Variants in DLG2 observed in about 807,000 individuals in gnomAD.
DLG2 encodes discs large MAGUK scaffold protein 2.
DLG2 carries 45 observed loss-of-function variants against 132.5 expected under a neutral mutation model. The ratio of observed to expected loss-of-function variants is 0.34; its 90% CI spans 0.27 to 0.44. The LOEUF is 0.44. Among genes scored for constraint, DLG2 ranks in the 20% least tolerant of loss-of-function variants. DLG2 has a pLI of 1.00. For missense variants in DLG2, 1,045 were observed against 1,196.9 expected (o/e 0.87, Z 1.87); for synonymous variants, 424 against 419.6 (o/e 1.01, Z -0.13).
At chr11:84,448,206 T>C (rs1395239651) in intron 7 of DLG2, among the ~76,000 whole-genome samples, 2 of 152,080 alleles carry the variant, frequency 1.3e-5, no homozygotes, top group African/African-American at 4.8e-5. Context: ...GTTAGCCTGG[T>C]ATTCTAGCTA....
rs145656889 is a variant in DLG2 at position 83,805,261 on chromosome 11, T to G, written c.1723-18469A>C. 8.9e-3 allele frequency among the ~76,000 whole-genome samples: 1,357 copies of G among 152,208 alleles called. 18 individuals are homozygous for G. Among genetic ancestry groups the G allele is most frequent in the African/African-American group, 0.031 (1,269 of 41,550 alleles). The stretch of plus-strand genomic sequence containing the variant: ...TATGGATTATGCTTTCTTGAAATAG[T>G]TATTTTGTAGCGGGTTAAAAAATGG... On this transcript the variant is annotated intron_variant, in intron 17 of 27. Transcript: ENST00000376104.
intron 6 of DLG2, among the ~76,000 whole-genome samples, chr11:84,649,162 A>G (rs768103836): frequency 9.2e-5 from 14 of 152,060 alleles, no homozygotes; most frequent in Non-Finnish European, 1.8e-4. Flanking sequence ...TTCTTCCTGG[A>G]TCTTGAGTAC....
At chr11:84,064,284 C>T (rs116335356) in intron 10 of DLG2, among the ~76,000 whole-genome samples, 2,318 of 152,188 alleles carry the variant, frequency 0.015, 58 homozygotes, top group African/African-American at 0.053. Flanking sequence ...AGAAAGATAG[C>T]GAAGTTTTAA....
At chr11:84,773,962 A>G (rs2069899707) in intron 6 of DLG2, among the ~76,000 whole-genome samples, 1 of 152,170 alleles carries the variant, frequency 6.6e-6, no homozygotes, top group Non-Finnish European at 1.5e-5. Context: ...AGAAAGAAAT[A>G]AAAGGCAACC....
chr11:83,741,478 T>TA (rs2092505296), intron 18 of DLG2, among the ~76,000 whole-genome samples: 1 of 152,160 alleles, frequency 6.6e-6, no homozygotes, highest in Admixed American at 6.5e-5. Flanking sequence ...AAATTAATAT[T>TA]AAAAAATCTG....
At chr11:85,428,580 G>A (rs573658911) in intron 3 of DLG2, among the ~76,000 whole-genome samples, 48 of 152,302 alleles carry the variant, frequency 3.2e-4, no homozygotes, top group African/African-American at 1.1e-3. Flanking sequence ...TGAAACCAAT[G>A]AGAACAAAGA....
chr11:85,582,416 G>A lies in DLG2; in HGVS notation c.40+16241C>T, dbSNP rs533727686. 5.3e-5 allele frequency among the ~76,000 whole-genome samples: 8 copies of A among 151,984 alleles called. No individual in the cohort carries two copies. The East Asian group carries it at 9.7e-4, about 18-fold the overall frequency. On this transcript the variant is annotated intron_variant, in intron 3 of 27. Coordinates refer to ENST00000376104, the MANE Select transcript of DLG2 (RefSeq NM_001142699.3). ...AAGAGTGGGTGGCTAAGATGCTGTG[G>A]AGGAAGAAATTATTACTGGATAGGC...
At chr11:84,332,992 G>A (rs2154402204) in intron 7 of DLG2, among the ~76,000 whole-genome samples, 1 of 152,282 alleles carries the variant, frequency 6.6e-6, no homozygotes, top group South Asian at 2.1e-4. Flanking sequence ...TCAGTTGAGT[G>A]GATGAGTAGG....
intron 6 of DLG2, among the ~76,000 whole-genome samples, chr11:84,638,724 A>G (rs1445009216): frequency 6.6e-6 from 1 of 152,178 alleles, no homozygotes; most frequent in Non-Finnish European, 1.5e-5. Context: ...TCCATAACTC[A>G]CCATGGGACT....
rs112128234 is a variant in DLG2 at position 83,836,973 on chromosome 11, G to C, written c.1566-3203C>G. Among the ~76,000 whole-genome samples the C allele has an allele frequency of 4.0e-4, 61 of 152,270 alleles. 1 individual carries two copies. Among genetic ancestry groups the C allele is most frequent in the African/African-American group, 1.3e-3 (53 of 41,544 alleles). On this transcript the variant is annotated intron_variant, in intron 16 of 27. Coordinates refer to ENST00000376104, the MANE Select transcript of DLG2 (RefSeq NM_001142699.3). ...ATTCTACCTCATTGCCACTAGGTGG[G>C]AGTAGAAGTTCAGCTCCGCGCTTGG... is the stretch of plus-strand genomic sequence containing the variant.
chr11:83,556,195 G>C (rs942922902), intron 19 of DLG2, among the ~76,000 whole-genome samples: 1 of 152,098 alleles, frequency 6.6e-6, no homozygotes, highest in African/African-American at 2.4e-5. Context: ...CTCGTTCGAA[G>C]TTTGACACAT....
chr11:83,722,060 T>C (rs2088732803), intron 18 of DLG2, among the ~76,000 whole-genome samples: 1 of 152,170 alleles, frequency 6.6e-6, no homozygotes, highest in Non-Finnish European at 1.5e-5. Flanking sequence ...TACTCTTTTT[T>C]CCAAAGAAAT....
rs189500895 is a variant in DLG2 at position 85,154,930 on chromosome 11, T to G, written c.187-279A>C. 1.9e-3 allele frequency among the ~76,000 whole-genome samples: 283 copies of G among 152,236 alleles called. 4 individuals carry two copies. Among genetic ancestry groups the G allele is most frequent in the African/African-American group, 6.2e-3 (259 of 41,546 alleles). ...GGGCTATTCAAAAGTAAATGGATGA[T>G]CTGGTTAAAGCTGAGCATGGTTAAT... On this transcript the variant is annotated intron_variant, in intron 4 of 27. Coordinates refer to ENST00000376104, the MANE Select transcript of DLG2 (RefSeq NM_001142699.3).
intron 6 of DLG2, among the ~76,000 whole-genome samples, chr11:85,103,426 G>C (rs1248293063): frequency 6.6e-6 from 1 of 152,022 alleles, no homozygotes; most frequent in African/African-American, 2.4e-5. Context: ...TTGAAACAGA[G>C]TTGAAAGTCC....
intron 15 of DLG2, among the ~76,000 whole-genome samples, chr11:83,913,891 A>G (rs1468334498): frequency 2.6e-5 from 4 of 152,188 alleles, no homozygotes; most frequent in African/African-American, 4.8e-5. Flanking sequence ...AATGCTCCAC[A>G]TGGGCTACAG....
At chr11:84,471,062 G>A (rs1313697556) in intron 7 of DLG2, among the ~76,000 whole-genome samples, 1 of 151,568 alleles carries the variant, frequency 6.6e-6, no homozygotes, top group African/African-American at 2.4e-5. Flanking sequence ...CCTTTCTCAA[G>A]ACCATCTCAA....
chr11:84,517,491 A>G (rs1017706658), intron 7 of DLG2, among the ~76,000 whole-genome samples: 1 of 152,054 alleles, frequency 6.6e-6, no homozygotes, highest in Admixed American at 6.6e-5. Flanking sequence ...AAAGACAAAG[A>G]TAATAAACGC....
At chr11:84,411,597 C>T (rs1422131397) in intron 7 of DLG2, among the ~76,000 whole-genome samples, 2 of 151,288 alleles carry the variant, frequency 1.3e-5, no homozygotes, top group Admixed American at 1.3e-4. Context: ...CTTGGATTAA[C>T]GTAGGAGAAA....
chr11:84,920,621 C>T lies in DLG2; in HGVS notation c.357+191040G>A, dbSNP rs985579965. Among the ~76,000 whole-genome samples the T allele has an allele frequency of 2.0e-5, 3 of 152,080 alleles. No homozygotes were observed. In the South Asian group the frequency reaches 6.2e-4, roughly 31 times the overall value. ...TCTATCCTAGTTTCCAAGACTCTAA[C>T]ATAGTGCATAAATCATAGATGTCAT... On this transcript the variant is annotated intron_variant, in intron 6 of 27. Transcript: ENST00000376104.
Sources: allele counts gnomAD v4.1 joint callset (sites outside exome capture counted in the v4.1 genomes callset), GRCh38; gene constraint gnomAD v4.1.1; transcripts MANE v1.5; gene names NCBI Gene and HGNC (gene_info 2026-07-23, HGNC 2026-07-21).